PPP2R2B: variants seen among roughly 807,000 people sequenced by gnomAD.
The protein encoded by PPP2R2B is serine/threonine-protein phosphatase 2A 55 kDa regulatory subunit B beta isoform.
A neutral mutation model predicts 46.0 loss-of-function variants in PPP2R2B; 5 were observed. The ratio of observed to expected loss-of-function variants is 0.11; its 90% CI spans 0.06 to 0.23. The LOEUF (loss-of-function observed/expected upper bound fraction) is 0.23. PPP2R2B is among the 10% of genes least tolerant of loss of function. PPP2R2B has a pLI of 1.00. For missense variants in PPP2R2B, 367 were observed against 575.0 expected, an observed-to-expected ratio of 0.64 and a Z score of 3.70; for synonymous variants, 215 against 206.7, an observed-to-expected ratio of 1.04 and a Z score of -0.34.
intron 5 of PPP2R2B, among the ~76,000 whole-genome samples, chr5:146,658,581 C>T (rs973763851): frequency 2.0e-5 from 3 of 152,132 alleles, no homozygotes; most frequent in African/African-American, 7.2e-5. Flanking sequence ...TTCCTAAGAA[C>T]TATGTGAAAA....
intron 1 of PPP2R2B, among the ~76,000 whole-genome samples, chr5:146,954,806 T>A (rs1166220027): frequency 6.8e-6 from 1 of 147,888 alleles, no homozygotes; most frequent in South Asian, 2.1e-4. Flanking sequence ...GAGGGTATAG[T>A]GGCAATGATA....
intron 1 of PPP2R2B, among the ~76,000 whole-genome samples, chr5:146,929,085 C>A (rs1763882545): frequency 1.3e-5 from 2 of 152,272 alleles, no homozygotes; most frequent in East Asian, 1.9e-4. Flanking sequence ...TGACGCCCAC[C>A]CTGTATTTAT....
intron 5 of PPP2R2B, among the ~76,000 whole-genome samples, chr5:146,687,489 A>T (rs1778580683): frequency 6.6e-6 from 1 of 152,136 alleles, no homozygotes; most frequent in South Asian, 2.1e-4. Flanking sequence ...ATGATCAATA[A>T]GTGCTAGATA....
At chr5:146,957,271 C>G (rs1751956597) in intron 1 of PPP2R2B, among the ~76,000 whole-genome samples, 1 of 152,172 alleles carries the variant, frequency 6.6e-6, no homozygotes, top group South Asian at 2.1e-4. Context: ...TGATTTAGAT[C>G]AACAGTCAGA....
chr5:146,997,425 A>T (rs1465054766), intron 1 of PPP2R2B, among the ~76,000 whole-genome samples: 1 of 152,196 alleles, frequency 6.6e-6, no homozygotes, highest in East Asian at 1.9e-4. Flanking sequence ...GACATTCTGT[A>T]TAAGACTGAC....
chr5:146,737,237 G>T (rs1040470316), intron 2 of PPP2R2B, among the ~76,000 whole-genome samples: 1 of 152,190 alleles, frequency 6.6e-6, no homozygotes, highest in Non-Finnish European at 1.5e-5. Context: ...TAGGACAAGT[G>T]CCTTCTAGGC....
At chr5:147,020,973 T>C (rs970024863) in intron 1 of PPP2R2B, among the ~76,000 whole-genome samples, 2 of 152,202 alleles carry the variant, frequency 1.3e-5, no homozygotes, top group Admixed American at 1.3e-4. Flanking sequence ...TTATAGTCAC[T>C]GAAAAACTTG....
At chr5:146,767,101 A>G (rs1397603716) in intron 2 of PPP2R2B, among the ~76,000 whole-genome samples, 1 of 151,456 alleles carries the variant, frequency 6.6e-6, no homozygotes, top group Non-Finnish European at 1.5e-5. Context: ...ACAGCACAGA[A>G]TATCTTAGGT....
intron 1 of PPP2R2B, among the ~76,000 whole-genome samples, chr5:146,984,951 C>G (rs1268564269): frequency 1.3e-5 from 2 of 150,188 alleles, no homozygotes; most frequent in African/African-American, 2.4e-5. Flanking sequence ...TGAGTTGTTT[C>G]AATTTCTTAT....
intron 2 of PPP2R2B, among the ~76,000 whole-genome samples, chr5:146,736,312 C>T (rs1221166473): frequency 2.0e-5 from 3 of 152,140 alleles, no homozygotes; most frequent in Non-Finnish European, 4.4e-5. Flanking sequence ...TTATTAGCAG[C>T]GTGAGAACAG....
chr5:147,064,657 T>G (rs1757365954), intron 2 of PPP2R2B, among the ~76,000 whole-genome samples: 1 of 152,242 alleles, frequency 6.6e-6, no homozygotes, highest in Admixed American at 6.5e-5. Context: ...CCCACAGGTC[T>G]AGTATACAAA....
chr5:146,760,131 C>T (rs768281844), intron 2 of PPP2R2B, among the ~76,000 whole-genome samples: 13 of 152,224 alleles, frequency 8.5e-5, no homozygotes, highest in East Asian at 5.8e-4. Flanking sequence ...ACAGTAAACA[C>T]GAATAAATTC....
intron 2 of PPP2R2B, among the ~76,000 whole-genome samples, chr5:146,868,296 C>T (rs1251877642): frequency 6.6e-6 from 1 of 152,248 alleles, no homozygotes; most frequent in East Asian, 1.9e-4. Context: ...CTTTCTGGCT[C>T]TGCCTCTTGG....
At chr5:146,609,694 T>G (rs1190808102) in intron 7 of PPP2R2B, among the ~76,000 whole-genome samples, 1 of 147,082 alleles carries the variant, frequency 6.8e-6, no homozygotes, top group East Asian at 2.0e-4. Flanking sequence ...GCGCAAGGGG[T>G]CAGGGAGTTC....
At chr5:146,729,883 T>G (rs1244296921) in intron 2 of PPP2R2B, among the ~76,000 whole-genome samples, 1 of 152,172 alleles carries the variant, frequency 6.6e-6, no homozygotes, top group African/African-American at 2.4e-5. Context: ...TAGGGCAGTG[T>G]GGAAGGGAAA....
At chr5:146,630,348 C>T (rs985209782) in intron 7 of PPP2R2B, among the ~76,000 whole-genome samples, 2 of 152,174 alleles carry the variant, frequency 1.3e-5, no homozygotes, top group African/African-American at 2.4e-5. Context: ...GAAATGACCT[C>T]GGTTATTTGT....
chr5:146,641,112 C>A (rs1422235712), intron 6 of PPP2R2B, among the ~76,000 whole-genome samples: 4 of 152,164 alleles, frequency 2.6e-5, no homozygotes, highest in Admixed American at 2.0e-4. Flanking sequence ...AGGGGCCAGG[C>A]CTGCCCTGTG....
chr5:147,019,875 G>T (rs1561580759), intron 1 of PPP2R2B, among the ~76,000 whole-genome samples: 1 of 152,148 alleles, frequency 6.6e-6, no homozygotes, highest in Non-Finnish European at 1.5e-5. Context: ...AGAGCTATGG[G>T]AATACACCGC....
At chr5:146,764,568 C>T (rs1754357113) in intron 2 of PPP2R2B, among the ~76,000 whole-genome samples, 1 of 152,104 alleles carries the variant, frequency 6.6e-6, no homozygotes. Context: ...TGCTCCATTT[C>T]CCCAGAGTCC....
Sources: allele counts gnomAD v4.1 joint callset (sites outside exome capture counted in the v4.1 genomes callset), GRCh38; gene constraint gnomAD v4.1.1; transcripts MANE v1.5; gene names NCBI Gene and HGNC (gene_info 2026-07-23, HGNC 2026-07-21).